Variants in DNER observed in about 807,000 individuals in gnomAD.
DNER encodes the protein delta and Notch-like epidermal growth factor-related receptor.
DNER carries 33 observed loss-of-function variants against 78.2 expected under a neutral mutation model. The observed-to-expected ratio is 0.42, with a 90% CI of 0.32 to 0.56. DNER has a LOEUF of 0.56. Ranked by LOEUF, DNER falls within the 20% of genes least tolerant of loss-of-function variation. The pLI, the probability that DNER is intolerant of heterozygous loss-of-function variation, is 0.11. For synonymous variants in DNER, 417 were observed against 384.8 expected (o/e 1.08, Z -0.98); for missense variants, 918 against 975.3 (o/e 0.94, Z 0.78).
intron 5 of DNER, among the ~76,000 whole-genome samples, chr2:229,542,871 C>T (rs565416713): frequency 5.3e-5 from 8 of 151,778 alleles, no homozygotes; most frequent in Admixed American, 1.3e-4. Context: ...TAACAGTGTG[C>T]GCCAAGGTGG....
intron 1 of DNER, among the ~76,000 whole-genome samples, chr2:229,621,741 G>A (rs2154215496): frequency 6.6e-6 from 1 of 152,266 alleles, no homozygotes; most frequent in East Asian, 1.9e-4. Context: ...TTTCTTACTT[G>A]GGCCTTTTGA....
intron 1 of DNER, among the ~76,000 whole-genome samples, chr2:229,620,750 C>T (rs1041889169): frequency 2.0e-5 from 3 of 152,162 alleles, no homozygotes; most frequent in African/African-American, 7.2e-5. Flanking sequence ...GTCAGAATGT[C>T]ACTGTATTTG....
chr2:229,504,371 C>G (rs1473648098), intron 6 of DNER, among the ~76,000 whole-genome samples: 1 of 152,136 alleles, frequency 6.6e-6, no homozygotes, highest in African/African-American at 2.4e-5. Context: ...AGGCACCCAC[C>G]ACCATGCCTG....
At chr2:229,373,953 C>A (rs1248909134) in intron 11 of DNER, among the ~76,000 whole-genome samples, 3 of 152,102 alleles carry the variant, frequency 2.0e-5, no homozygotes, top group Non-Finnish European at 2.9e-5. Flanking sequence ...TAGCTTTGAT[C>A]TTAGGAGTTC....
intron 11 of DNER, among the ~76,000 whole-genome samples, chr2:229,371,202 G>T (rs1692474530): frequency 6.6e-6 from 1 of 152,188 alleles, no homozygotes; most frequent in Non-Finnish European, 1.5e-5. Context: ...TAGCTGGGAT[G>T]GATCTGGCTA....
At chr2:229,367,275 C>T (rs528195203) in intron 11 of DNER, among the ~76,000 whole-genome samples, 156 bp from the exon 12 acceptor site, 8 of 152,262 alleles carry the variant, frequency 5.3e-5, no homozygotes, top group African/African-American at 1.9e-4. Flanking sequence ...GGTTAATATC[C>T]TTACTACATA....
At chr2:229,551,521 C>A (rs1383064965) in intron 4 of DNER, among the ~76,000 whole-genome samples, 1 of 152,230 alleles carries the variant, frequency 6.6e-6, no homozygotes, top group Non-Finnish European at 1.5e-5. Context: ...GTAATCCCAG[C>A]TACGTGGGAG....
At chr2:229,358,720 G>A (rs981611839) in intron 12 of DNER, 69 bp from the exon 13 acceptor site, 3 of 1,336,232 alleles carry the variant, frequency 2.2e-6, no homozygotes, top group African/African-American at 2.9e-5. Flanking sequence ...AGCAAGTGAT[G>A]AGAATAATTT....
chr2:229,384,997 T>C (rs892347811), intron 11 of DNER, among the ~76,000 whole-genome samples: 3 of 151,202 alleles, frequency 2.0e-5, no homozygotes, highest in Non-Finnish European at 4.4e-5. Context: ...TAAACATTGA[T>C]GCAAAAATCC....
chr2:229,395,001 G>A (rs1693102130), intron 10 of DNER, among the ~76,000 whole-genome samples: 1 of 152,156 alleles, frequency 6.6e-6, no homozygotes, highest in Non-Finnish European at 1.5e-5. Context: ...ATCCCTTGGA[G>A]ACAGAAAATA....
chr2:229,427,569 G>A (rs1164352188), intron 8 of DNER, among the ~76,000 whole-genome samples: 1 of 152,164 alleles, frequency 6.6e-6, no homozygotes, highest in African/African-American at 2.4e-5. Context: ...GGAGGGAGGA[G>A]AGGGAGGAGA....
chr2:229,432,929 TTTGTTGTTG>T (rs906457690), intron 8 of DNER, among the ~76,000 whole-genome samples: 5 of 151,786 alleles, frequency 3.3e-5, no homozygotes, highest in East Asian at 1.9e-4. Context: ...TTTTTTGTGT[TTTGTTGTTG>T]TTGTTGTTGT....
chr2:229,440,134 T>C (rs1394633848), intron 8 of DNER, among the ~76,000 whole-genome samples: 1 of 152,220 alleles, frequency 6.6e-6, no homozygotes, highest in Non-Finnish European at 1.5e-5. Flanking sequence ...AATTTCATGC[T>C]CCACCAGCAA....
intron 11 of DNER, among the ~76,000 whole-genome samples, chr2:229,382,708 A>G (rs1249193124): frequency 6.6e-6 from 1 of 152,092 alleles, no homozygotes; most frequent in East Asian, 1.9e-4. Flanking sequence ...CATGAAGACA[A>G]GATTAGAGAA....
intron 4 of DNER, among the ~76,000 whole-genome samples, chr2:229,555,226 G>C (rs1171112447): frequency 6.6e-6 from 1 of 152,104 alleles, no homozygotes; most frequent in African/African-American, 2.4e-5. Flanking sequence ...TTACTGAAAA[G>C]TTTATTTAAA....
intron 7 of DNER, among the ~76,000 whole-genome samples, chr2:229,458,383 CT>C (rs1237287385): frequency 6.6e-6 from 1 of 151,738 alleles, no homozygotes; most frequent in African/African-American, 2.4e-5. Context: ...GAAAGAAAAA[CT>C]GCTAGCAAGA....
intron 1 of DNER, among the ~76,000 whole-genome samples, chr2:229,625,252 A>G (rs945362100): frequency 3.6e-4 from 55 of 152,266 alleles, no homozygotes; most frequent in African/African-American, 1.3e-3. Flanking sequence ...TTTCATGGAA[A>G]ATCACCGGGG....
intron 12 of DNER, among the ~76,000 whole-genome samples, chr2:229,365,905 G>A (rs1692335876): frequency 6.6e-6 from 1 of 152,192 alleles, no homozygotes; most frequent in East Asian, 1.9e-4. Context: ...AACAAAAGAA[G>A]AGATGGCTTA....
At chr2:229,421,139 G>A (rs1693755472) in intron 8 of DNER, among the ~76,000 whole-genome samples, 1 of 152,106 alleles carries the variant, frequency 6.6e-6, no homozygotes, top group Admixed American at 6.5e-5. Context: ...GAACCTTCAG[G>A]ACATTACATT....
Sources: gnomAD v4.1 joint callset for allele counts (sites outside exome capture counted in the v4.1 genomes callset) on GRCh38, gnomAD v4.1.1 for gene constraint, MANE v1.5 for transcripts, NCBI Gene and HGNC (gene_info 2026-07-23, HGNC 2026-07-21) for gene names.